Variants in EBF2 observed in about 807,000 individuals in gnomAD.
The protein encoded by EBF2 is EBF transcription factor 2, also known as transcription factor COE2.
EBF2 carries 21 observed loss-of-function variants against 72.8 expected under a neutral mutation model. The ratio of observed to expected loss-of-function variants is 0.29; its 90% CI spans 0.20 to 0.42. The LOEUF is 0.42. Among genes scored for constraint, EBF2 ranks in the 10% least tolerant of loss-of-function variants. The pLI is 1.00. For synonymous variants in EBF2, 299 were observed against 274.2 expected, an observed-to-expected ratio of 1.09 and a Z score of -0.89; for missense variants, 637 against 731.2, an observed-to-expected ratio of 0.87 and a Z score of 1.49.
chr8:25,991,824 C>A (rs1804549116), intron 6 of EBF2, among the ~76,000 whole-genome samples: 1 of 151,966 alleles, frequency 6.6e-6, no homozygotes, highest in African/African-American at 2.4e-5. Flanking sequence ...CCAGCCTGAG[C>A]AACAAGAGTG....
At chr8:25,936,070 G>C (rs987366209) in intron 6 of EBF2, among the ~76,000 whole-genome samples, 3 of 152,188 alleles carry the variant, frequency 2.0e-5, no homozygotes, top group African/African-American at 7.2e-5. Flanking sequence ...GCAGTGTTCA[G>C]TGTGGTTAGA....
At chr8:25,889,490 A>G (rs1802742926) in intron 8 of EBF2, among the ~76,000 whole-genome samples, 1 of 152,128 alleles carries the variant, frequency 6.6e-6, no homozygotes, top group South Asian at 2.1e-4. Context: ...TTTGCCTGAA[A>G]TGCCCGTCTC....
intron 7 of EBF2, among the ~76,000 whole-genome samples, chr8:25,891,566 C>G (rs917258460): frequency 6.6e-6 from 1 of 150,674 alleles, no homozygotes; most frequent in Non-Finnish European, 1.5e-5. Context: ...GGGCAGGGGG[C>G]TTGATCCTGT....
chr8:25,964,488 A>T (rs1229088652), intron 6 of EBF2, among the ~76,000 whole-genome samples: 1 of 152,208 alleles, frequency 6.6e-6, no homozygotes, highest in Non-Finnish European at 1.5e-5. Flanking sequence ...GTATGAGAAC[A>T]ATGTATCCTT....
At chr8:25,863,985 A>G (rs1687993103) in intron 10 of EBF2, among the ~76,000 whole-genome samples, 1 of 152,146 alleles carries the variant, frequency 6.6e-6, no homozygotes, top group South Asian at 2.1e-4. Context: ...AAATTCCTGC[A>G]TATTTTTCTA....
intron 3 of EBF2, 52 bp downstream of exon 3, chr8:26,040,887 C>A: frequency 6.2e-7 from 1 of 1,611,118 alleles, no homozygotes; most frequent in Non-Finnish European, 8.5e-7. Context: ...GCGCGTGCGG[C>A]CCGGAAGCCG....
At chr8:25,894,875 C>T (rs1024119883) in intron 7 of EBF2, among the ~76,000 whole-genome samples, 4 of 152,238 alleles carry the variant, frequency 2.6e-5, no homozygotes, top group Non-Finnish European at 5.9e-5. Flanking sequence ...TTCGGAGGTG[C>T]CTGAAACTGA....
At chr8:25,909,772 A>C (rs1389782075) in intron 6 of EBF2, among the ~76,000 whole-genome samples, 1 of 152,216 alleles carries the variant, frequency 6.6e-6, no homozygotes, top group African/African-American at 2.4e-5. Context: ...ATAAACAGTA[A>C]ATGATAAAGG....
In EBF2 at chr8:25,908,571, G is replaced by T. The variant is rs779980133; in HGVS notation, c.552-16C>A. On this transcript the variant is annotated splice_polypyrimidine_tract_variant and intron_variant, in intron 6 of 15. Transcript: ENST00000520164. ...TAAAAAGAATCTGTGAAGAGAAAGC[G>T]ATGTGTTACATTTTTCAGTAAACAT... is the stretch of plus-strand genomic sequence containing the variant. 2.0e-6 allele frequency: 3 copies of T among 1,535,662 alleles called. No homozygotes were observed. The highest frequency in any genetic ancestry group is 1.8e-5 in the Admixed American group (1 of 55,232).
rs948093865 is a variant in EBF2, at chr8:25,862,772, A to G, written c.1035T>C (p.Tyr345=). The part of the protein sequence containing the change: ...YTALNEPTID[Y]GFQRLQKVIP... ...TGACCTTCTGCAGTCTCTGGAAGCCATAGTCTATGGTGGGTTCATTTAATG... is the reference window on the plus strand; with the variant it reads ...TGACCTTCTGCAGTCTCTGGAAGCCGTAGTCTATGGTGGGTTCATTTAATG... The change falls in exon 11 of 16, where the codon TAT becomes TAC. Residue 345 remains tyrosine, a synonymous_variant. Transcript: ENST00000520164. The G allele has an allele frequency of 5.6e-6, 9 of 1,606,154 alleles. No individual in the cohort carries two copies. The highest frequency in any genetic ancestry group is 7.7e-6 in the Non-Finnish European group (9 of 1,175,456).
At chr8:26,014,199 C>G (rs767828406) in intron 6 of EBF2, among the ~76,000 whole-genome samples, 20 of 151,992 alleles carry the variant, frequency 1.3e-4, no homozygotes, top group Non-Finnish European at 2.6e-4. Context: ...TATTTTAAAT[C>G]TTAACTTATC....
intron 7 of EBF2, among the ~76,000 whole-genome samples, chr8:25,905,351 G>T (rs1470013713): frequency 5.9e-5 from 9 of 152,110 alleles, no homozygotes; most frequent in Admixed American, 5.9e-4. Context: ...ATACCCAAGA[G>T]AATTAAAAAC....
At chr8:25,860,712 T>C (rs1802198014) in intron 13 of EBF2, among the ~76,000 whole-genome samples, 1 of 152,040 alleles carries the variant, frequency 6.6e-6, no homozygotes, top group Admixed American at 6.6e-5. Context: ...AGATGGGTTT[T>C]CACCATGTTG....
intron 10 of EBF2, among the ~76,000 whole-genome samples, chr8:25,880,293 C>A (rs145080085): frequency 1.2e-4 from 19 of 152,174 alleles, no homozygotes; most frequent in African/African-American, 1.2e-4. Flanking sequence ...CTTGATGGTG[C>A]CTGTCTTTGG....
chr8:26,039,936 C>G, intron 5 of EBF2, 92 bp downstream of exon 5: 1 of 1,417,656 alleles, frequency 7.1e-7, no homozygotes. Context: ...AGCGCTCAGT[C>G]CTGAAAGTTA....
intron 7 of EBF2, among the ~76,000 whole-genome samples, chr8:25,899,423 TCA>T (rs1372827758): frequency 3.3e-5 from 5 of 152,120 alleles, no homozygotes; most frequent in African/African-American, 1.2e-4. Context: ...GTAGATGAGA[TCA>T]CAGAGCAGCT....
At chr8:25,896,750 G>A (rs1430973681) in intron 7 of EBF2, among the ~76,000 whole-genome samples, 6 of 152,086 alleles carry the variant, frequency 3.9e-5, no homozygotes, top group East Asian at 1.9e-4. Flanking sequence ...AATACACGTC[G>A]GGTTTTTACA....
chr8:25,863,244 CCTT>C (rs543397446), intron 10 of EBF2, among the ~76,000 whole-genome samples: 131 of 151,928 alleles, frequency 8.6e-4, no homozygotes, highest in African/African-American at 3.1e-3. Flanking sequence ...CATATATAAA[CCTT>C]CTATGAGCTT....
intron 6 of EBF2, among the ~76,000 whole-genome samples, chr8:25,933,118 G>C (rs144614470): frequency 1.8e-4 from 27 of 152,270 alleles, no homozygotes; most frequent in Non-Finnish European, 5.9e-5. Flanking sequence ...AGGCATGCTG[G>C]AGCGTTCGCG....
Sources: allele counts gnomAD v4.1 joint callset (sites outside exome capture counted in the v4.1 genomes callset), GRCh38; gene constraint gnomAD v4.1.1; transcripts MANE v1.5; gene names NCBI Gene and HGNC (gene_info 2026-07-23, HGNC 2026-07-21).